Variants in CREB1 observed in about 807,000 individuals in gnomAD.
CREB1 encodes cyclic AMP-responsive element-binding protein 1.
A neutral mutation model predicts 42.0 loss-of-function variants in CREB1; 2 were observed. That is an observed-to-expected ratio of 0.05 (90% CI 0.02 to 0.15). CREB1 has a LOEUF of 0.15. Among genes scored for constraint, CREB1 ranks in the 10% least tolerant of loss-of-function variants. The pLI is 1.00. For missense variants in CREB1, 199 were observed against 388.9 expected, an observed-to-expected ratio of 0.51 and a Z score of 4.11; for synonymous variants, 123 against 139.9, an observed-to-expected ratio of 0.88 and a Z score of 0.85.
At position 207,599,346 on chromosome 2, in the gene CREB1, G is replaced by A. The variant is rs1221165837; in HGVS notation, c.*2288G>A. ...ATTTATTGAGTCAAAATGTCGAATC[G>A]AACATTTTGAATGAAGTAAGTGTTA... On this transcript the variant is annotated 3_prime_UTR_variant, in exon 8 of 8. Coordinates refer to ENST00000353267, the MANE Select transcript of CREB1 (RefSeq NM_004379.5). 4.9e-6 allele frequency: 1 copy of A among 206,098 alleles called. No homozygotes were observed. The highest frequency in any genetic ancestry group is 6.0e-5 in the Admixed American group (1 of 16,800). The allele number at this position is 206,098 out of a possible 1,614,324, so 12.8% of individuals were successfully genotyped here. A position where few individuals can be genotyped will look rare whatever the true frequency, so the allele number is the denominator to read the frequency against.
chr2:207,588,103 AAG>A (rs1177838813), intron 7 of CREB1, among the ~76,000 whole-genome samples: 2 of 149,064 alleles, frequency 1.3e-5, no homozygotes, highest in Admixed American at 1.4e-4. Flanking sequence ...AAAAGGAAAA[AAG>A]AATTCTTTGC....
intron 3 of CREB1, among the ~76,000 whole-genome samples, chr2:207,566,916 G>T (rs1342764730): frequency 6.6e-6 from 1 of 151,984 alleles, no homozygotes; most frequent in African/African-American, 2.4e-5. Context: ...TCTTTACCTT[G>T]AATTTTTACT....
At chr2:207,596,838 AG>A (rs1263350407) in intron 7 of CREB1, 75 bp from the exon 8 acceptor site, 3 of 1,535,738 alleles carry the variant, frequency 2.0e-6, no homozygotes, top group African/African-American at 2.8e-5. Flanking sequence ...TCTTTAAAAA[AG>A]AAAAAAAAAA....
chr2:207,602,241 T>A lies in CREB1; in HGVS notation c.*5183T>A, dbSNP rs1372002118. ...TTTATTTTTTAAAAAAAGAAAAATT[T>A]AAAAAATATATAAATAAAATAGAAC... is the stretch of plus-strand genomic sequence containing the variant. On this transcript the variant is annotated 3_prime_UTR_variant, in exon 8 of 8. Transcript: ENST00000353267. The A allele has an allele frequency of 2.7e-5, 5 of 185,402 alleles. No homozygotes were observed. The highest frequency in any genetic ancestry group is 5.7e-5 in the Non-Finnish European group (5 of 87,592). The allele number at this position is 185,402 out of a possible 1,614,324, so 11.5% of individuals were successfully genotyped here.
intron 1 of CREB1, among the ~76,000 whole-genome samples, chr2:207,535,144 T>G (rs912560361): frequency 2.6e-5 from 4 of 152,230 alleles, no homozygotes; most frequent in Non-Finnish European, 4.4e-5. Context: ...AACTTTCTAT[T>G]TGAATGAAAA....
Position 207,605,108 on chromosome 2 carries a change from T to C in CREB1, c.*8050T>C, listed in dbSNP as rs1236348974. ...GCCTGGGAGTGGAGTTGCTGGGTCA[T>C]GTTGAAATCGCACATTTAACTTTTT... On this transcript the variant is annotated 3_prime_UTR_variant, in exon 8 of 8. Coordinates refer to ENST00000353267, the MANE Select transcript of CREB1 (RefSeq NM_004379.5). Among the ~76,000 whole-genome samples, 1 of 152,230 alleles carries C rather than the reference T, an allele frequency of 6.6e-6. No individual in the cohort carries two copies. Among genetic ancestry groups the C allele is most frequent in the Non-Finnish European group, 1.5e-5 (1 of 68,038 alleles).
At position 207,602,594 on chromosome 2, in the gene CREB1, C is replaced by G; in HGVS notation, c.*5536C>G. ...AAAAATTGGTAGGGAGGAAGAAAAT[C>G]TCTGCAAATAATGATTTTATGTTTG... On this transcript the variant is annotated 3_prime_UTR_variant, in exon 8 of 8. Coordinates refer to ENST00000353267, the MANE Select transcript of CREB1 (RefSeq NM_004379.5). 4.7e-6 allele frequency: 1 copy of G among 212,262 alleles called. No homozygotes were observed. The highest frequency in any genetic ancestry group is 9.5e-6 in the Non-Finnish European group (1 of 104,814). The allele number at this position is 212,262 out of a possible 1,614,324, so 13.1% of individuals were successfully genotyped here.
At chr2:207,582,714 T>G (rs1378063736) in intron 7 of CREB1, among the ~76,000 whole-genome samples, 1 of 152,034 alleles carries the variant, frequency 6.6e-6, no homozygotes, top group African/African-American at 2.4e-5. Context: ...GCCAATATGG[T>G]GAAACCCTCT....
chr2:207,577,473 C>A, intron 6 of CREB1, 32 bp from the exon 7 acceptor site: 1 of 1,603,882 alleles, frequency 6.2e-7, no homozygotes, highest in South Asian at 1.1e-5. Context: ...TGCAATGTTT[C>A]TGTCTTACAC....
chr2:207,577,196 C>T, intron 6 of CREB1: 1 of 1,099,930 alleles, frequency 9.1e-7, no homozygotes, highest in Non-Finnish European at 1.1e-6. Flanking sequence ...ATCATCCAAG[C>T]TGTGCCCCAC....
chr2:207,532,785 C>G (rs2080702660), intron 1 of CREB1, among the ~76,000 whole-genome samples: 1 of 151,662 alleles, frequency 6.6e-6, no homozygotes, highest in African/African-American at 2.4e-5. Flanking sequence ...GAGTTTGGCC[C>G]TTATTGCCCA....
intron 1 of CREB1, among the ~76,000 whole-genome samples, chr2:207,533,651 A>C (rs536457783): frequency 6.6e-6 from 1 of 152,338 alleles, no homozygotes; most frequent in East Asian, 1.9e-4. Flanking sequence ...TATTGAATAG[A>C]GCTCAAATCT....
chr2:207,565,515 T>A, intron 3 of CREB1, among the ~76,000 whole-genome samples: 1 of 149,354 alleles, frequency 6.7e-6, no homozygotes, highest in African/African-American at 2.5e-5. Flanking sequence ...TTAAGGGCCA[T>A]AGATCCAGAG....
intron 2 of CREB1, 83 bp from the exon 3 acceptor site, chr2:207,560,143 T>C (rs2081899708): frequency 1.5e-6 from 2 of 1,318,056 alleles, no homozygotes; most frequent in Non-Finnish European, 2.0e-6. Flanking sequence ...CGTTTTTGCT[T>C]CTAAAAAGTT....
chr2:207,584,263 A>T lies in CREB1; in HGVS notation c.839+6608A>T, dbSNP rs949939002. Among the ~76,000 whole-genome samples, 17 of 152,360 alleles carry T rather than the reference A, an allele frequency of 1.1e-4. 1 individual carries two copies. In the South Asian group the frequency reaches 3.1e-3, roughly 28 times the overall value. Reference sequence around the variant, plus strand: ...TTTTCCAAAATGGCTGTACCATTTTATATTCCCACCAGGAATGTATGAGAG... The same window carrying T: ...TTTTCCAAAATGGCTGTACCATTTTTTATTCCCACCAGGAATGTATGAGAG... On this transcript the variant is annotated intron_variant, in intron 7 of 7. Coordinates refer to ENST00000353267, the MANE Select transcript of CREB1 (RefSeq NM_004379.5).
chr2:207,588,642 AT>A (rs1375276134), intron 7 of CREB1, among the ~76,000 whole-genome samples: 1 of 151,782 alleles, frequency 6.6e-6, no homozygotes, highest in Non-Finnish European at 1.5e-5. Context: ...TTAGTTTTTG[AT>A]TCCATGAACA....
At chr2:207,561,216 A>C in intron 3 of CREB1, 1 of 1,397,960 alleles carries the variant, frequency 7.2e-7, no homozygotes. Context: ...AAGGTGAGAA[A>C]TTATTCTTTA....
intron 1 of CREB1, among the ~76,000 whole-genome samples, chr2:207,532,289 T>C (rs1040960643): frequency 1.3e-5 from 2 of 151,128 alleles, no homozygotes; most frequent in Non-Finnish European, 2.9e-5. Context: ...TGCCATGCAC[T>C]TCAGCCTGGG....
intron 1 of CREB1, among the ~76,000 whole-genome samples, chr2:207,537,898 GTT>G (rs2080940000): frequency 6.6e-6 from 1 of 152,094 alleles, no homozygotes; most frequent in Non-Finnish European, 1.5e-5. Context: ...AGTATTTCCA[GTT>G]TTGGGTTTTT....
Sources: gnomAD v4.1 joint callset for allele counts (sites outside exome capture counted in the v4.1 genomes callset) on GRCh38, gnomAD v4.1.1 for gene constraint, MANE v1.5 for transcripts, NCBI Gene and HGNC (gene_info 2026-07-23, HGNC 2026-07-21) for gene names.